GGH: variants seen among roughly 807,000 people sequenced by gnomAD.
The protein encoded by GGH is gamma-Glu-X carboxypeptidase.
Under a neutral mutation model 39.2 loss-of-function variants are expected in GGH, and 18 were observed. The observed-to-expected ratio is 0.46, with a 90% CI of 0.32 to 0.68. The LOEUF (loss-of-function observed/expected upper bound fraction) is 0.68. GGH is among the 30% of genes least tolerant of loss of function. The probability of loss-of-function intolerance (pLI) is 0.04; values close to 1 mark genes in which losing one functional copy is unlikely to be tolerated. For missense variants in GGH, 367 were observed against 384.1 expected, an observed-to-expected ratio of 0.96 and a Z score of 0.37; for synonymous variants, 147 against 138.8, an observed-to-expected ratio of 1.06 and a Z score of -0.42.
At chr8:63,018,119 T>A (rs1804519635) in intron 7 of GGH, 1 of 152,410 alleles carries the variant, frequency 6.6e-6, no homozygotes, top group South Asian at 2.1e-4. Flanking sequence ...GACTGATGAC[T>A]TTGTGGTATA....
intron 2 of GGH, among the ~76,000 whole-genome samples, chr8:63,033,158 G>C (rs182217237): frequency 6.6e-6 from 1 of 152,212 alleles, no homozygotes; most frequent in East Asian, 1.9e-4. Context: ...TATAACCCCT[G>C]CCCCAAAACA....
intron 7 of GGH, among the ~76,000 whole-genome samples, chr8:63,021,260 C>T (rs1232404612): frequency 6.6e-6 from 1 of 152,166 alleles, no homozygotes; most frequent in African/African-American, 2.4e-5. Context: ...TATAGTATTA[C>T]TTATCCTTTG....
Position 63,021,972 on chromosome 8 carries a change from A to G in GGH, c.697+1935T>C, listed in dbSNP as rs528602083. 1.5e-3 allele frequency among the ~76,000 whole-genome samples: 224 copies of G among 152,000 alleles called. 1 individual carries two copies. Among genetic ancestry groups the G allele is most frequent in the African/African-American group, 4.7e-3 (194 of 41,500 alleles). Reference sequence around the variant, plus strand: ...TACAGGCGTGAGCCACCATGCCCAGACCTCATATCCATTTTTAATAAGCTA... The same window carrying G: ...TACAGGCGTGAGCCACCATGCCCAGGCCTCATATCCATTTTTAATAAGCTA... On this transcript the variant is annotated intron_variant, in intron 7 of 8. Coordinates refer to ENST00000260118, the MANE Select transcript of GGH (RefSeq NM_003878.3).
At chr8:63,021,263 A>T (rs1353312053) in intron 7 of GGH, among the ~76,000 whole-genome samples, 3 of 152,174 alleles carry the variant, frequency 2.0e-5, no homozygotes, top group Admixed American at 6.5e-5. Context: ...AGTATTACTT[A>T]TCCTTTGCAC....
chr8:63,020,953 G>C (rs1804574420), intron 7 of GGH, among the ~76,000 whole-genome samples: 1 of 152,138 alleles, frequency 6.6e-6, no homozygotes, highest in South Asian at 2.1e-4. Flanking sequence ...GGTGGTTAAT[G>C]CTGATGTAGC....
intron 3 of GGH, among the ~76,000 whole-genome samples, chr8:63,027,894 A>G (rs1049630405): frequency 6.6e-6 from 1 of 152,156 alleles, no homozygotes. Context: ...CACACTTATA[A>G]AGGTGAAATA....
At chr8:63,036,922 G>A (rs1026692749) in intron 1 of GGH, among the ~76,000 whole-genome samples, 1 of 152,104 alleles carries the variant, frequency 6.6e-6, no homozygotes, top group Non-Finnish European at 1.5e-5. Context: ...TGTAAGACCC[G>A]TATGCTCTGC....
chr8:63,038,025 G>A (rs1444639698), intron 1 of GGH, among the ~76,000 whole-genome samples: 1 of 152,110 alleles, frequency 6.6e-6, no homozygotes, highest in Admixed American at 6.5e-5. Context: ...ATTTCTCCTA[G>A]GTAGCTTTCC....
intron 7 of GGH, among the ~76,000 whole-genome samples, chr8:63,019,817 A>G (rs920919332): frequency 3.9e-5 from 6 of 152,220 alleles, no homozygotes; most frequent in African/African-American, 1.4e-4. Context: ...ATGGGAAGCC[A>G]TTAGGACCTT....
Position 63,035,775 on chromosome 8 carries a change from T to A in GGH, c.110-5A>T, listed in dbSNP as rs1415470736. On this transcript the variant is annotated splice_region_variant and splice_polypyrimidine_tract_variant and intron_variant, in intron 1 of 8. Transcript: ENST00000260118. ...GGCATTTTTGCATTAATATTCCTAA[T>A]AACAAAAAAAAGTTTAGTTTCAAGC... is the stretch of plus-strand genomic sequence containing the variant. The A allele has an allele frequency of 6.2e-7, 1 of 1,601,166 alleles. No individual in the cohort carries two copies. The highest frequency in any genetic ancestry group is 2.2e-5 in the East Asian group (1 of 44,848).
At chr8:63,034,888 C>A (rs1350071037) in intron 2 of GGH, among the ~76,000 whole-genome samples, 2 of 152,044 alleles carry the variant, frequency 1.3e-5, no homozygotes, top group African/African-American at 2.4e-5. Flanking sequence ...AAATTTTTTT[C>A]TTATTTCAAT....
At chr8:63,025,277 T>C (rs1804663646) in intron 5 of GGH, 1 of 152,146 alleles carries the variant, frequency 6.6e-6, no homozygotes, top group Non-Finnish European at 1.5e-5. Flanking sequence ...AAAAACTAAC[T>C]TCATGATTAG....
rs534222333 is a variant in GGH at position 63,023,436 on chromosome 8, G to C, written c.697+471C>G. 2.0e-5 allele frequency: 3 copies of C among 152,862 alleles called. No homozygotes were observed. In the East Asian group the frequency reaches 5.7e-4, roughly 29 times the overall value. 9.5% of individuals were successfully genotyped at this position (152,862 alleles called of 1,614,324 possible). A position where few individuals can be genotyped will look rare whatever the true frequency, so the allele number is the denominator to read the frequency against. ...CCATGAGATACTATTCGTATAGAGA[G>C]TCCTGACTTTGTCTCAAGTTCTCCT... On this transcript the variant is annotated intron_variant, in intron 7 of 8. Coordinates refer to ENST00000260118, the MANE Select transcript of GGH (RefSeq NM_003878.3).
chr8:63,026,991 G>A, intron 4 of GGH, 190 bp downstream of exon 4: 1 of 594,300 alleles, frequency 1.7e-6, no homozygotes, highest in Non-Finnish European at 3.0e-6. Flanking sequence ...AGGGTCTCTG[G>A]AAGCCCAGGA....
At chr8:63,017,840 C>A (rs992793038) in intron 7 of GGH, 5 of 457,834 alleles carry the variant, frequency 1.1e-5, no homozygotes, top group Non-Finnish European at 1.5e-5. Flanking sequence ...CAACCTTTTA[C>A]AATCTGTAGG....
chr8:63,021,543 G>GT (rs893654171), intron 7 of GGH, among the ~76,000 whole-genome samples: 4 of 151,892 alleles, frequency 2.6e-5, no homozygotes, highest in Non-Finnish European at 5.9e-5. Context: ...GGTATAAATG[G>GT]TTTTTTACTT....
chr8:63,024,104 G>T lies in GGH; in HGVS notation c.582C>A (p.Phe194Leu). The T allele has an allele frequency of 6.2e-7, 1 of 1,607,448 alleles. No homozygotes were observed. Among genetic ancestry groups the T allele is most frequent in the Non-Finnish European group, 8.5e-7 (1 of 1,174,238 alleles). Residue 194 changes from phenylalanine to leucine, a missense_variant, in exon 6 of 9, where the codon TTC becomes TTA. By Grantham distance (22) the Phe-to-Leu change is conservative. Transcript: ENST00000260118. ...SLAVEPLTANFHKWSLSVKNF... is the reference protein window; with the variant it reads ...SLAVEPLTANLHKWSLSVKNF... ...CCTTCACGGAGAGGCTCCACTTATG[G>T]AAATTGGCAGTCAGAGGTTCTACTG... is the stretch of plus-strand genomic sequence containing the variant.
chr8:63,016,843 G>A (rs1329739530), intron 8 of GGH, among the ~76,000 whole-genome samples: 1 of 152,166 alleles, frequency 6.6e-6, no homozygotes, highest in East Asian at 1.9e-4. Context: ...ACAGCAGGCA[G>A]AGTTTATTTG....
chr8:63,018,070 A>G (rs977678717), intron 7 of GGH: 2 of 153,050 alleles, frequency 1.3e-5, no homozygotes, highest in African/African-American at 4.8e-5. Flanking sequence ...CACCCTGCCT[A>G]AACTGCCTAA....
Sources: allele counts gnomAD v4.1 joint callset (sites outside exome capture counted in the v4.1 genomes callset), GRCh38; gene constraint gnomAD v4.1.1; transcripts MANE v1.5; gene names NCBI Gene and HGNC (gene_info 2026-07-23, HGNC 2026-07-21).